The following LARGE1 variants were observed in gnomAD, a reference collection of about 807,000 sequenced individuals.
LARGE1 encodes the protein xylosyl- and glucuronyltransferase LARGE1.
A neutral mutation model predicts 87.6 loss-of-function variants in LARGE1; 43 were observed. The ratio of observed to expected loss-of-function variants is 0.49; its 90% CI spans 0.38 to 0.63. The LOEUF (loss-of-function observed/expected upper bound fraction) is 0.63. Ranked by LOEUF, LARGE1 falls within the 30% of genes least tolerant of loss-of-function variation. The pLI, the probability that LARGE1 is intolerant of heterozygous loss-of-function variation, is 0.00. For synonymous variants in LARGE1, 434 were observed against 394.6 expected (o/e 1.10, Z -1.18); for missense variants, 802 against 1,000.2 (o/e 0.80, Z 2.67).
At chr22:33,387,769 T>G (rs955028745) in intron 7 of LARGE1, among the ~76,000 whole-genome samples, 2 of 152,236 alleles carry the variant, frequency 1.3e-5, no homozygotes, top group Non-Finnish European at 2.9e-5. Context: ...CAGTCTTTTC[T>G]TTTGCGTGAC....
chr22:33,502,782 T>C (rs1207886228), intron 6 of LARGE1, among the ~76,000 whole-genome samples: 2 of 152,156 alleles, frequency 1.3e-5, no homozygotes, highest in Non-Finnish European at 2.9e-5. Flanking sequence ...TTGGCCAGGA[T>C]GGTCTCGATC....
chr22:33,509,457 A>T lies in LARGE1; in HGVS notation c.787+55391T>A, dbSNP rs549934017. On this transcript the variant is annotated intron_variant, in intron 6 of 14. Coordinates refer to ENST00000397394, the MANE Select transcript of LARGE1 (RefSeq NM_133642.5). ...GTCCTCTATGGAAAGAGGGATTTTT[A>T]TTTTTTTTTTAAGAGACAGGGTCTT... 2.8e-4 allele frequency among the ~76,000 whole-genome samples: 42 copies of T among 149,646 alleles called. 1 individual carries two copies. The highest frequency in any genetic ancestry group is 2.8e-3 in the South Asian group (13 of 4,670).
At chr22:33,397,843 A>G (rs919549404) in intron 7 of LARGE1, among the ~76,000 whole-genome samples, 1 of 152,198 alleles carries the variant, frequency 6.6e-6, no homozygotes. Context: ...GGTTAGGTCT[A>G]CACTTTGTAT....
chr22:33,427,623 C>T (rs1569154400), intron 7 of LARGE1, among the ~76,000 whole-genome samples: 1 of 152,216 alleles, frequency 6.6e-6, no homozygotes, highest in Non-Finnish European at 1.5e-5. Flanking sequence ...AGTGAAGAGG[C>T]TGTGTTTGAT....
chr22:33,910,162 T>G (rs16993269), intron 1 of LARGE1, among the ~76,000 whole-genome samples: 7,315 of 152,250 alleles, frequency 0.048, 601 homozygotes, highest in African/African-American at 0.17. Flanking sequence ...ATGACACATT[T>G]TTTGCAAGCT....
At chr22:33,654,330 G>A (rs924327173) in intron 2 of LARGE1, among the ~76,000 whole-genome samples, 1 of 152,236 alleles carries the variant, frequency 6.6e-6, no homozygotes, top group Non-Finnish European at 1.5e-5. Flanking sequence ...ATCTTGAGCC[G>A]GCCCCTTCCT....
intron 2 of LARGE1, chr22:33,737,441 C>T (rs1301326154): frequency 6.6e-6 from 1 of 152,196 alleles, no homozygotes; most frequent in Non-Finnish European, 1.5e-5. Context: ...AACATTTAGT[C>T]ATAACAAGCG....
intron 1 of LARGE1, among the ~76,000 whole-genome samples, chr22:33,820,917 A>G (rs1297863361): frequency 6.6e-6 from 1 of 151,992 alleles, no homozygotes; most frequent in African/African-American, 2.4e-5. Context: ...TGCCTCCCAC[A>G]TGGCTCTCTG....
intron 9 of LARGE1, among the ~76,000 whole-genome samples, chr22:33,344,772 GT>G (rs1939562399): frequency 6.9e-6 from 1 of 144,630 alleles, no homozygotes; most frequent in African/African-American, 2.6e-5. Flanking sequence ...AGAATGTCTT[GT>G]CCTGGTCCCT....
At chr22:33,864,388 A>G (rs2064024441) in intron 1 of LARGE1, among the ~76,000 whole-genome samples, 1 of 152,226 alleles carries the variant, frequency 6.6e-6, no homozygotes, top group Non-Finnish European at 1.5e-5. Context: ...TACTAAGTAC[A>G]TACATGATAA....
chr22:33,114,294 T>C, the LARGE1 span, among the ~76,000 whole-genome samples: 1 of 152,206 alleles, frequency 6.6e-6, no homozygotes. Flanking sequence ...ATTAATATAA[T>C]TGGTAGCAGT....
intron 1 of LARGE1, among the ~76,000 whole-genome samples, chr22:33,837,245 G>A (rs1371267022): frequency 8.3e-6 from 1 of 120,778 alleles, no homozygotes. Flanking sequence ...ATGGAGTAGA[G>A]AGTATTACAT....
chr22:33,649,950 A>G (rs979003360), intron 3 of LARGE1, among the ~76,000 whole-genome samples: 2 of 152,226 alleles, frequency 1.3e-5, no homozygotes, highest in Admixed American at 6.5e-5. Context: ...TTATACAGTG[A>G]AGTGATAATG....
chr22:33,568,414 C>A (rs895112348), intron 5 of LARGE1, among the ~76,000 whole-genome samples: 13 of 152,170 alleles, frequency 8.5e-5, no homozygotes, highest in Non-Finnish European at 1.8e-4. Flanking sequence ...AAAAACCTCA[C>A]ACAACCGAGT....
intron 2 of LARGE1, among the ~76,000 whole-genome samples, chr22:33,736,497 ATTG>A (rs1569416080): frequency 6.6e-6 from 1 of 152,102 alleles, no homozygotes. Context: ...TTGTCTTTTC[ATTG>A]TTAAGTTATA....
the LARGE1 span, among the ~76,000 whole-genome samples, chr22:33,143,017 C>T: frequency 1.4e-4 from 22 of 152,166 alleles, no homozygotes; most frequent in Non-Finnish European, 2.8e-4. Flanking sequence ...AACAACTAAG[C>T]CACTTCCTCT....
Position 33,650,494 on chromosome 22 carries a change from C to T in LARGE1, c.281G>A (p.Arg94His), listed in dbSNP as rs754383742. The change falls in exon 3 of 15, where the codon CGC becomes CAC. Residue 94 changes from arginine to histidine, a missense_variant. Arg to His is a conservative substitution (Grantham distance 29, BLOSUM62 0). Transcript: ENST00000397394. ...GTAGGTCTTGGAGTGGTTGCCTCGGCGATGGGATGGGGCTCGGCCCTGGGC... is the reference window on the plus strand; with the variant it reads ...GTAGGTCTTGGAGTGGTTGCCTCGGTGATGGGATGGGGCTCGGCCCTGGGC... The part of the protein sequence containing the change: ...SLAQGRAPSH[R>H]RGNHSKTYSM... 4 of 1,613,682 alleles carry T rather than the reference C, an allele frequency of 2.5e-6. No homozygotes were observed. The highest frequency in any genetic ancestry group is 2.5e-6 in the Non-Finnish European group (3 of 1,180,040).
At chr22:33,366,656 G>T (rs1249089668) in intron 9 of LARGE1, among the ~76,000 whole-genome samples, 1 of 152,138 alleles carries the variant, frequency 6.6e-6, no homozygotes, top group Non-Finnish European at 1.5e-5. Context: ...CTGTCTTTGT[G>T]ACGTGACTTT....
intron 2 of LARGE1, among the ~76,000 whole-genome samples, chr22:33,741,243 T>C (rs2083869307): frequency 6.6e-6 from 1 of 152,190 alleles, no homozygotes; most frequent in Admixed American, 6.5e-5. Context: ...GTCTTGACAA[T>C]AGCTCACCTG....
Sources: gnomAD v4.1 joint callset for allele counts (sites outside exome capture counted in the v4.1 genomes callset) on GRCh38, gnomAD v4.1.1 for gene constraint, MANE v1.5 for transcripts, NCBI Gene and HGNC (gene_info 2026-07-23, HGNC 2026-07-21) for gene names.